Variants in BABAM2 observed in about 807,000 individuals in gnomAD.
BABAM2 encodes BRISC and BRCA1 A complex member 2.
Under a neutral mutation model 54.7 loss-of-function variants are expected in BABAM2, and 31 were observed. That is an observed-to-expected ratio of 0.57 (90% CI 0.43 to 0.77). BABAM2 has a LOEUF of 0.77. Among genes scored for constraint, BABAM2 ranks in the 30% least tolerant of loss-of-function variants. The pLI is 0.00. For missense variants in BABAM2, 364 were observed against 455.8 expected, an observed-to-expected ratio of 0.80 and a Z score of 1.83; for synonymous variants, 167 against 162.9, an observed-to-expected ratio of 1.03 and a Z score of -0.19.
At chr2:28,231,972 TAATTTTTAATTTTTTTAG>T (rs1681450624) in intron 7 of BABAM2, among the ~76,000 whole-genome samples, 1 of 151,690 alleles carries the variant, frequency 6.6e-6, no homozygotes, top group African/African-American at 2.4e-5. Flanking sequence ...CATGCCTGGC[TAATTTTTAATTTTTTTAG>T]AGATGGGATC....
At chr2:28,266,543 T>TTA (rs1245495506) in intron 10 of BABAM2, among the ~76,000 whole-genome samples, 2 of 152,244 alleles carry the variant, frequency 1.3e-5, no homozygotes, top group Non-Finnish European at 2.9e-5. Flanking sequence ...TGATAAGATC[T>TTA]TATAGTATTT....
At chr2:27,971,034 A>T (rs1340532235) in intron 3 of BABAM2, among the ~76,000 whole-genome samples, 1 of 152,108 alleles carries the variant, frequency 6.6e-6, no homozygotes, top group Non-Finnish European at 1.5e-5. Flanking sequence ...TGTTTCTTCC[A>T]TTGTTGCTGC....
chr2:28,327,306 C>T lies in BABAM2; in HGVS notation c.1089-11144C>T, dbSNP rs368517485. 3.0e-5 allele frequency: 49 copies of T among 1,611,578 alleles called. No homozygotes were observed. The African/African-American group carries it at 4.9e-4, about 16-fold the overall frequency. ...CAAGGGAGCAGAGATGCCTGCAGCC[C>T]GTGGGAGCAAGTCCTGGCCTTTGCA... is the stretch of plus-strand genomic sequence containing the variant. On this transcript the variant is annotated intron_variant, in intron 11 of 11. Coordinates refer to ENST00000379624, the MANE Select transcript of BABAM2 (RefSeq NM_199191.3).
intron 6 of BABAM2, among the ~76,000 whole-genome samples, chr2:28,083,028 C>G (rs1229492333): frequency 6.6e-6 from 1 of 152,170 alleles, no homozygotes; most frequent in East Asian, 1.9e-4. Flanking sequence ...ATCATCCTCC[C>G]CAATTCTGGC....
intron 10 of BABAM2, among the ~76,000 whole-genome samples, chr2:28,255,864 C>A (rs1226034244): frequency 6.6e-6 from 1 of 152,056 alleles, no homozygotes; most frequent in Non-Finnish European, 1.5e-5. Context: ...CAGAGTTTCA[C>A]CATGTTCCCC....
intron 3 of BABAM2, among the ~76,000 whole-genome samples, chr2:27,967,363 C>T: frequency 6.6e-6 from 1 of 152,284 alleles, no homozygotes; most frequent in East Asian, 1.9e-4. Flanking sequence ...TCTTTTCCTG[C>T]TGCTATCCAT....
chr2:28,311,624 C>T lies in BABAM2; in HGVS notation c.1088+13133C>T, dbSNP rs1001571686. On this transcript the variant is annotated intron_variant, in intron 11 of 11. Transcript: ENST00000379624. ...TCTAGGGACCATTATTAATTTCCTT[C>T]GTGATCATGGAAAAGACACGTCACC... Among the ~76,000 whole-genome samples the T allele has an allele frequency of 3.9e-5, 6 of 152,304 alleles. No individual in the cohort carries two copies. The East Asian group carries it at 7.7e-4, about 20-fold the overall frequency.
intron 7 of BABAM2, among the ~76,000 whole-genome samples, chr2:28,158,470 G>A (rs981253287): frequency 2.0e-5 from 3 of 152,160 alleles, no homozygotes; most frequent in African/African-American, 4.8e-5. Context: ...GCCTCATGGC[G>A]GCCCTAAAAC....
At chr2:27,926,500 T>A (rs373631983) in intron 2 of BABAM2, among the ~76,000 whole-genome samples, 1 of 152,218 alleles carries the variant, frequency 6.6e-6, no homozygotes, top group East Asian at 1.9e-4. Flanking sequence ...GTTTTCGGAT[T>A]TCACCTCCTC....
intron 6 of BABAM2, among the ~76,000 whole-genome samples, chr2:28,092,169 G>A (rs1293443619): frequency 6.6e-6 from 1 of 152,032 alleles, no homozygotes; most frequent in Non-Finnish European, 1.5e-5. Flanking sequence ...CAGGAAAAAG[G>A]CAAGGATGTA....
rs1221002691 is a variant in BABAM2 at position 28,303,296 on chromosome 2, G to A, written c.1088+4805G>A. On this transcript the variant is annotated intron_variant, in intron 11 of 11. Transcript: ENST00000379624. ...GAAGGTCATGAAGAAATTATCCTAT[G>A]TTTTCTTCTAGAAGCTTTTGTTTTG... Among the ~76,000 whole-genome samples, 5 of 152,188 alleles carry A rather than the reference G, an allele frequency of 3.3e-5. No individual in the cohort carries two copies. The Middle Eastern group carries it at 0.01, about 311-fold the overall frequency.
intron 11 of BABAM2, among the ~76,000 whole-genome samples, chr2:28,320,012 G>T (rs1196138065): frequency 6.6e-6 from 1 of 151,760 alleles, no homozygotes; most frequent in Non-Finnish European, 1.5e-5. Flanking sequence ...GCCTGGAGAA[G>T]ACTGTGATGA....
rs144507243 is a variant in BABAM2 at position 28,000,745 on chromosome 2, T to C, written c.300+12658T>C. On this transcript the variant is annotated intron_variant, in intron 4 of 11. Coordinates refer to ENST00000379624, the MANE Select transcript of BABAM2 (RefSeq NM_199191.3). Reference sequence around the variant, plus strand: ...TTGTATCAGTATGGACTTATAGATATTTATTTTATACTTTGGGTTACAGTC... The same window carrying C: ...TTGTATCAGTATGGACTTATAGATACTTATTTTATACTTTGGGTTACAGTC... 5.3e-5 allele frequency among the ~76,000 whole-genome samples: 8 copies of C among 152,350 alleles called. No individual in the cohort carries two copies. The East Asian group carries it at 1.5e-3, about 29-fold the overall frequency.
At chr2:27,896,785 G>T in intron 2 of BABAM2, 1 of 235,904 alleles carries the variant, frequency 4.2e-6, no homozygotes, top group Non-Finnish European at 8.6e-6. Flanking sequence ...CTTGTGCCCA[G>T]CTGGGTCTGG....
intron 3 of BABAM2, among the ~76,000 whole-genome samples, chr2:27,938,842 A>G (rs1212350208): frequency 6.6e-6 from 1 of 152,202 alleles, no homozygotes; most frequent in Admixed American, 6.5e-5. Flanking sequence ...GCAAAGGGTA[A>G]TGGCTAACTC....
intron 10 of BABAM2, among the ~76,000 whole-genome samples, chr2:28,295,316 T>G (rs1350983176): frequency 1.3e-5 from 2 of 152,234 alleles, no homozygotes; most frequent in African/African-American, 4.8e-5. Context: ...TGACTGTATT[T>G]GCTTTAAATT....
intron 7 of BABAM2, among the ~76,000 whole-genome samples, chr2:28,204,161 T>C (rs1049487417): frequency 6.6e-6 from 1 of 152,220 alleles, no homozygotes; most frequent in Admixed American, 6.5e-5. Flanking sequence ...AATCTTTTAT[T>C]TGAGTCTTTG....
chr2:28,193,922 T>C (rs545202750), intron 7 of BABAM2, among the ~76,000 whole-genome samples: 1 of 152,214 alleles, frequency 6.6e-6, no homozygotes, highest in African/African-American at 2.4e-5. Context: ...GAAGCTGACA[T>C]ATCTGTGGGA....
intron 3 of BABAM2, among the ~76,000 whole-genome samples, chr2:27,961,400 C>G (rs1445373944): frequency 3.3e-5 from 5 of 152,134 alleles, no homozygotes; most frequent in African/African-American, 1.2e-4. Flanking sequence ...AGTAGTCAAT[C>G]AATTACATGA....
Sources: allele counts gnomAD v4.1 joint callset (sites outside exome capture counted in the v4.1 genomes callset), GRCh38; gene constraint gnomAD v4.1.1; transcripts MANE v1.5; gene names NCBI Gene and HGNC (gene_info 2026-07-23, HGNC 2026-07-21).